Variants in MTUS2 observed in about 807,000 individuals in gnomAD.
MTUS2 encodes microtubule associated scaffold protein 2, also known as microtubule-associated tumor suppressor candidate 2.
Under a neutral mutation model 114.1 loss-of-function variants are expected in MTUS2, and 40 were observed. That is an observed-to-expected ratio of 0.35 (90% CI 0.27 to 0.46). The LOEUF (loss-of-function observed/expected upper bound fraction) is 0.46, where lower values mean the gene tolerates loss of function less well. MTUS2 is among the 20% of genes least tolerant of loss of function. The pLI is 1.00. For synonymous variants in MTUS2, 688 were observed against 672.0 expected, an observed-to-expected ratio of 1.02 and a Z score of -0.37; for missense variants, 1,679 against 1,705.4, an observed-to-expected ratio of 0.98 and a Z score of 0.27.
At position 28,934,003 on chromosome 13, in the gene MTUS2, C is replaced by T. The variant is rs576600665; in HGVS notation, c.-242-90454C>T. 1.9e-4 allele frequency among the ~76,000 whole-genome samples: 29 copies of T among 152,270 alleles called. No individual in the cohort carries two copies. The South Asian group carries it at 6.0e-3, about 32-fold the overall frequency. Reference sequence around the variant, plus strand: ...AATGTATGGATATAAATTTTAATTGCAACAAATTCTGAAGGACTTTATATG... The same window carrying T: ...AATGTATGGATATAAATTTTAATTGTAACAAATTCTGAAGGACTTTATATG... On this transcript the variant is annotated intron_variant, in intron 2 of 15. Coordinates refer to ENST00000612955, the MANE Select transcript of MTUS2 (RefSeq NM_001033602.4).
At chr13:29,293,791 A>G (rs1255482773) in intron 6 of MTUS2, among the ~76,000 whole-genome samples, 1 of 152,178 alleles carries the variant, frequency 6.6e-6, no homozygotes, top group Non-Finnish European at 1.5e-5. Context: ...ACATGGAAAG[A>G]TGTCCATAAC....
chr13:28,943,056 C>T (rs1882332641), intron 2 of MTUS2, among the ~76,000 whole-genome samples: 1 of 152,092 alleles, frequency 6.6e-6, no homozygotes, highest in African/African-American at 2.4e-5. Flanking sequence ...GAACACAGTC[C>T]CTCAAGCTGA....
intron 5 of MTUS2, among the ~76,000 whole-genome samples, chr13:29,195,686 G>A (rs1196216094): frequency 6.6e-6 from 1 of 152,136 alleles, no homozygotes. Flanking sequence ...GCCCCACCCA[G>A]CCTGGGCCAG....
chr13:29,055,555 CTCT>C (rs1888094601), intron 4 of MTUS2, among the ~76,000 whole-genome samples: 1 of 152,050 alleles, frequency 6.6e-6, no homozygotes, highest in East Asian at 1.9e-4. Context: ...AGCGTCTGTT[CTCT>C]TCTTTGTTTC....
chr13:29,225,193 A>G (rs1896058047), intron 5 of MTUS2, among the ~76,000 whole-genome samples: 1 of 152,242 alleles, frequency 6.6e-6, no homozygotes, highest in Non-Finnish European at 1.5e-5. Context: ...TGAAGGCTCA[A>G]GCCCTTCCCT....
At chr13:29,085,200 A>G (rs1312162566) in intron 4 of MTUS2, among the ~76,000 whole-genome samples, 5 of 152,178 alleles carry the variant, frequency 3.3e-5, no homozygotes, top group African/African-American at 4.8e-5. Flanking sequence ...GGGTGATACC[A>G]TGTTTCTCAT....
chr13:29,259,020 T>TG lies in MTUS2; in HGVS notation c.2645-22683dup, dbSNP rs768079883. Among the ~76,000 whole-genome samples the TG allele has an allele frequency of 1.8e-4, 28 of 152,382 alleles. No homozygotes were observed. The East Asian group carries it at 2.7e-3, about 15-fold the overall frequency. The stretch of plus-strand genomic sequence containing the variant: ...GCTTCAGCATATCAACCTTAGTTTA[T>TG]GAGTTCTAAGTTCTATGAATAATAG... On this transcript the variant is annotated intron_variant, in intron 5 of 15. Coordinates refer to ENST00000612955, the MANE Select transcript of MTUS2 (RefSeq NM_001033602.4).
intron 9 of MTUS2, among the ~76,000 whole-genome samples, chr13:29,464,303 C>G (rs1408598055): frequency 6.6e-6 from 1 of 152,246 alleles, no homozygotes; most frequent in African/African-American, 2.4e-5. Context: ...TGAGACTCCA[C>G]TAGCCAGGAG....
At chr13:29,184,606 G>A (rs1894144396) in intron 5 of MTUS2, among the ~76,000 whole-genome samples, 1 of 152,174 alleles carries the variant, frequency 6.6e-6, no homozygotes, top group African/African-American at 2.4e-5. Flanking sequence ...GGCAGACTGG[G>A]ACACGTATTA....
chr13:29,347,657 A>G (rs1225114040), intron 7 of MTUS2, among the ~76,000 whole-genome samples: 1 of 152,130 alleles, frequency 6.6e-6, no homozygotes, highest in African/African-American at 2.4e-5. Context: ...TTCAAGTATA[A>G]CACTAATTAC....
intron 8 of MTUS2, among the ~76,000 whole-genome samples, chr13:29,399,322 T>A (rs1185650281): frequency 2.0e-5 from 3 of 151,810 alleles, no homozygotes; most frequent in Non-Finnish European, 4.4e-5. Context: ...AGGTCTTTAT[T>A]ACCTGTATCT....
chr13:29,318,750 A>G (rs1260163985), intron 6 of MTUS2, among the ~76,000 whole-genome samples: 4 of 152,200 alleles, frequency 2.6e-5, no homozygotes, highest in African/African-American at 9.7e-5. Flanking sequence ...GCCCTTGTCC[A>G]CGGGAGAAAC....
chr13:28,884,726 G>GT (rs1210106123), intron 2 of MTUS2, among the ~76,000 whole-genome samples: 1 of 152,176 alleles, frequency 6.6e-6, no homozygotes, highest in Non-Finnish European at 1.5e-5. Context: ...TAAGCAGGGT[G>GT]TTCTCACTGG....
intron 2 of MTUS2, among the ~76,000 whole-genome samples, chr13:28,985,695 G>A (rs1471675987): frequency 6.6e-6 from 1 of 152,052 alleles, no homozygotes; most frequent in African/African-American, 2.4e-5. Flanking sequence ...GCCCGGATAT[G>A]TGGTCAAAGA....
At chr13:29,364,890 C>T (rs890652818) in intron 8 of MTUS2, among the ~76,000 whole-genome samples, 1 of 152,136 alleles carries the variant, frequency 6.6e-6, no homozygotes, top group Non-Finnish European at 1.5e-5. Context: ...CGATGCTCTG[C>T]GATTATCTTC....
At chr13:28,888,174 G>T (rs963134476) in intron 2 of MTUS2, among the ~76,000 whole-genome samples, 1 of 152,134 alleles carries the variant, frequency 6.6e-6, no homozygotes, top group Non-Finnish European at 1.5e-5. Flanking sequence ...TTGTATATTT[G>T]TCTGAGTTCT....
At chr13:28,951,496 T>TA (rs1020547297) in intron 2 of MTUS2, among the ~76,000 whole-genome samples, 19 of 151,990 alleles carry the variant, frequency 1.3e-4, no homozygotes, top group Non-Finnish European at 4.4e-5. Flanking sequence ...TTCTCTTAAT[T>TA]AAAAAAAATT....
At chr13:29,413,020 T>G (rs1875382092) in intron 8 of MTUS2, among the ~76,000 whole-genome samples, 1 of 152,200 alleles carries the variant, frequency 6.6e-6, no homozygotes, top group African/African-American at 2.4e-5. Flanking sequence ...ACACTGATTC[T>G]TTCCTTCCCT....
At chr13:29,360,058 A>G (rs1202546008) in intron 8 of MTUS2, among the ~76,000 whole-genome samples, 1 of 152,184 alleles carries the variant, frequency 6.6e-6, no homozygotes, top group Non-Finnish European at 1.5e-5. Context: ...CTGTGTGTGT[A>G]TACTGAATCT....
Sources: allele counts gnomAD v4.1 joint callset (sites outside exome capture counted in the v4.1 genomes callset), GRCh38; gene constraint gnomAD v4.1.1; transcripts MANE v1.5; gene names NCBI Gene and HGNC (gene_info 2026-07-23, HGNC 2026-07-21).